The following TSPAN14 variants were observed in gnomAD, a reference collection of about 807,000 sequenced individuals.
The protein encoded by TSPAN14 is tetraspanin-14.
TSPAN14 carries 16 observed loss-of-function variants against 36.6 expected under a neutral mutation model. The ratio of observed to expected loss-of-function variants is 0.44; its 90% CI spans 0.30 to 0.66. TSPAN14 has a LOEUF of 0.66. Among genes scored for constraint, TSPAN14 ranks in the 30% least tolerant of loss-of-function variants. The pLI is 0.12. For missense variants in TSPAN14, 231 were observed against 355.1 expected (o/e 0.65, Z 2.81); for synonymous variants, 139 against 143.8 (o/e 0.97, Z 0.24).
At chr10:80,457,983 T>C (rs74143133) in intron 1 of TSPAN14, among the ~76,000 whole-genome samples, 2,023 of 152,334 alleles carry the variant, frequency 0.013, 39 homozygotes, top group African/African-American at 0.043. Flanking sequence ...CCCTGTGTCC[T>C]GCCACTGAGT....
chr10:80,505,107 C>T (rs1160110883), intron 3 of TSPAN14, among the ~76,000 whole-genome samples: 2 of 152,224 alleles, frequency 1.3e-5, no homozygotes, highest in Non-Finnish European at 2.9e-5. Context: ...GGGCAGGTCC[C>T]TGAATACAGG....
At chr10:80,507,138 C>T in intron 3 of TSPAN14, 90 bp from the exon 4 acceptor site, 1 of 1,516,712 alleles carries the variant, frequency 6.6e-7, no homozygotes, top group Non-Finnish European at 9.0e-7. Flanking sequence ...GAAGCAAGTC[C>T]CTGTTTTCAG....
chr10:80,511,960 T>G (rs1200481129), intron 5 of TSPAN14, among the ~76,000 whole-genome samples, 184 bp from the exon 6 acceptor site: 1 of 152,050 alleles, frequency 6.6e-6, no homozygotes, highest in Non-Finnish European at 1.5e-5. Context: ...TGTTTTCTTC[T>G]TAAAGGGCTG....
chr10:80,468,249 C>T (rs1201402619), intron 1 of TSPAN14, among the ~76,000 whole-genome samples: 2 of 152,160 alleles, frequency 1.3e-5, no homozygotes, highest in African/African-American at 2.4e-5. Context: ...CCATTGTCTT[C>T]GGGGCCAGCC....
intron 2 of TSPAN14, among the ~76,000 whole-genome samples, chr10:80,501,102 GC>G (rs751930957): frequency 2.3e-5 from 3 of 129,686 alleles, no homozygotes; most frequent in Non-Finnish European, 4.7e-5. Context: ...TGGAACTGAC[GC>G]TGTTTTTTTT....
chr10:80,507,126 G>A, intron 3 of TSPAN14, 102 bp from the exon 4 acceptor site: 1 of 1,462,408 alleles, frequency 6.8e-7, no homozygotes, highest in Non-Finnish European at 9.3e-7. Flanking sequence ...GCTGAGCCTG[G>A]GGAAGCAAGT....
intron 2 of TSPAN14, among the ~76,000 whole-genome samples, chr10:80,495,235 A>C (rs1262518272): frequency 6.6e-6 from 1 of 152,196 alleles, no homozygotes; most frequent in African/African-American, 2.4e-5. Flanking sequence ...TAATTGGGTC[A>C]CAAGGTGTGT....
chr10:80,519,514 A>AT (rs3049195), exon 9 of TSPAN14: 32 of 146,796 alleles, frequency 2.2e-4, no homozygotes, highest in Non-Finnish European at 3.1e-4. Context: ...GTTGATGATG[A>AT]TTTTTTTTTT....
At chr10:80,477,939 A>T (rs1033350066) in intron 1 of TSPAN14, among the ~76,000 whole-genome samples, 1 of 152,170 alleles carries the variant, frequency 6.6e-6, no homozygotes, top group Non-Finnish European at 1.5e-5. Flanking sequence ...GACAACAGGG[A>T]TTTCCCAGCA....
Position 80,473,299 on chromosome 10 carries a change from C to G in TSPAN14, c.-17-15918C>G, listed in dbSNP as rs139781572. Among the ~76,000 whole-genome samples, 207 of 152,210 alleles carry G rather than the reference C, an allele frequency of 1.4e-3. 1 individual carries two copies. Among genetic ancestry groups the G allele is most frequent in the African/African-American group, 4.8e-3 (198 of 41,528 alleles). On this transcript the variant is annotated intron_variant, in intron 1 of 8. Transcript: ENST00000429989. The stretch of plus-strand genomic sequence containing the variant: ...CTCTCACCAGGTTAATGAGGAGGCC[C>G]CTCGGTGTCCTGAAACTTGGCAGGT...
chr10:80,515,707 G>A lies in TSPAN14; in HGVS notation c.622-497G>A, dbSNP rs377063444. 6.1e-4 allele frequency: 100 copies of A among 163,428 alleles called. 2 individuals carry two copies. In the South Asian group the frequency reaches 0.016, roughly 26 times the overall value. The allele number at this position is 163,428 out of a possible 1,614,324, so 10.1% of individuals were successfully genotyped here. On this transcript the variant is annotated intron_variant, in intron 7 of 8. Coordinates refer to ENST00000429989, the Ensembl canonical transcript of TSPAN14. ...CTGGGATGGTTACTGACACCCCACC[G>A]GGGTTAGCAGTGGAGGGAGCTGGTT...
intron 2 of TSPAN14, among the ~76,000 whole-genome samples, chr10:80,502,876 AG>A (rs1396160708): frequency 6.6e-6 from 1 of 152,038 alleles, no homozygotes; most frequent in Non-Finnish European, 1.5e-5. Flanking sequence ...TGAAGGAGCT[AG>A]GACTGTGAGT....
At chr10:80,518,840 TTAGA>T (rs370911620) in exon 9 of TSPAN14, 2 of 153,124 alleles carry the variant, frequency 1.3e-5, no homozygotes, top group Admixed American at 6.5e-5. Context: ...CTGAGCAGCC[TTAGA>T]TAGTGTCCAT....
chr10:80,509,517 G>GT lies in TSPAN14; in HGVS notation c.450+47dup. ...CCCCCGATAGAGCATGCACCTCCCT[G>GT]TGCTGCCTGGAGCTGAGTCTAGCAG... is the stretch of plus-strand genomic sequence containing the variant. On this transcript the variant is annotated intron_variant, in intron 5 of 8. Transcript: ENST00000429989. The surrounding 1 kb of genome is among the most constrained non-coding windows in gnomAD (Gnocchi z 4.7). The GT allele has an allele frequency of 6.3e-7, 1 of 1,591,202 alleles. No individual in the cohort carries two copies. Among genetic ancestry groups the GT allele is most frequent in the Non-Finnish European group, 8.6e-7 (1 of 1,166,980 alleles).
chr10:80,516,417 G>A, intron 8 of TSPAN14, 94 bp downstream of exon 8: 1 of 1,554,916 alleles, frequency 6.4e-7, no homozygotes, highest in Non-Finnish European at 8.8e-7. Flanking sequence ...TTTGGGTATG[G>A]TATTAAGGAA....
At chr10:80,476,898 A>G (rs555138094) in intron 1 of TSPAN14, among the ~76,000 whole-genome samples, 1 of 152,262 alleles carries the variant, frequency 6.6e-6, no homozygotes, top group Non-Finnish European at 1.5e-5. Context: ...TTAGGGTCTC[A>G]CAAAGCCCAA....
intron 1 of TSPAN14, among the ~76,000 whole-genome samples, chr10:80,484,011 A>G (rs779086261): frequency 6.9e-6 from 1 of 145,634 alleles, no homozygotes; most frequent in African/African-American, 2.5e-5. Flanking sequence ...TGGAAGGCCA[A>G]GGTGGGCGGA....
intron 1 of TSPAN14, among the ~76,000 whole-genome samples, chr10:80,483,002 T>C (rs1041003146): frequency 6.6e-6 from 1 of 152,234 alleles, no homozygotes; most frequent in Non-Finnish European, 1.5e-5. Context: ...CCCAAAGTGC[T>C]GGGATTATAG....
chr10:80,460,981 G>A lies in TSPAN14; in HGVS notation c.-18+6610G>A, dbSNP rs577651742. ...TGTGGGGGATCTCTTCCTCTTGCCT[G>A]GACTGCACACTCCTGCTGCCTTCTA... On this transcript the variant is annotated intron_variant, in intron 1 of 8. Coordinates refer to ENST00000429989, the Ensembl canonical transcript of TSPAN14. 2.6e-5 allele frequency among the ~76,000 whole-genome samples: 4 copies of A among 152,250 alleles called. No homozygotes were observed. The East Asian group carries it at 7.7e-4, about 29-fold the overall frequency.
Sources: allele counts gnomAD v4.1 joint callset (sites outside exome capture counted in the v4.1 genomes callset), GRCh38; gene constraint gnomAD v4.1.1; non-coding constraint Gnocchi (gnomAD v3.1); transcripts MANE v1.5; gene names NCBI Gene and HGNC (gene_info 2026-07-23, HGNC 2026-07-21).